Variants in YBX3 observed in about 807,000 individuals in gnomAD.
YBX3 encodes the protein Y-box-binding protein 3.
In YBX3, 29 loss-of-function variants were observed where a neutral mutation model predicts 42.4. The observed-to-expected ratio is 0.68, with a 90% confidence interval of 0.51 to 0.93. The LOEUF is 0.93. Among genes scored for constraint, YBX3 ranks in the 40% least tolerant of loss-of-function variants. YBX3 has a pLI of 0.00. For missense variants in YBX3, 517 were observed against 527.5 expected (o/e 0.98, Z 0.19); for synonymous variants, 195 against 189.8 (o/e 1.03, Z -0.22).
At chr12:10,710,173 A>G in intron 5 of YBX3, 59 bp from the exon 6 acceptor site, 1 of 1,573,588 alleles carries the variant, frequency 6.4e-7, no homozygotes, top group Non-Finnish European at 8.6e-7. Context: ...GAACCAAAGA[A>G]CACCATTTAG....
chr12:10,719,057 T>C (rs1256488938), intron 2 of YBX3, 23 bp downstream of exon 2: 8 of 1,604,648 alleles, frequency 5.0e-6, no homozygotes, highest in Non-Finnish European at 6.8e-6. Flanking sequence ...ACTTAAAACA[T>C]GCAAATATAC....
chr12:10,719,769 T>C (rs1948304508), intron 1 of YBX3, among the ~76,000 whole-genome samples: 1 of 152,208 alleles, frequency 6.6e-6, no homozygotes, highest in Admixed American at 6.5e-5. Flanking sequence ...AATTTGGGCT[T>C]GTTTCTTTGT....
intron 6 of YBX3, among the ~76,000 whole-genome samples, chr12:10,704,732 C>G (rs970204543): frequency 2.0e-5 from 3 of 152,340 alleles, no homozygotes; most frequent in Non-Finnish European, 2.9e-5. Context: ...ATCTACCCAG[C>G]TCCCTGTATT....
At chr12:10,701,006 T>C (rs1395922120) in intron 9 of YBX3, among the ~76,000 whole-genome samples, 1 of 152,176 alleles carries the variant, frequency 6.6e-6, no homozygotes, top group Non-Finnish European at 1.5e-5. Flanking sequence ...ACTGCCTGTC[T>C]AGAAAAAAGA....
rs139903785 is a variant in YBX3, at chr12:10,702,119, G to C, written c.894C>G (p.Arg298=). ...CTCCAACTGCTGGGGCAGGTCGTGG[G>C]CGAGGAGGTCCCCTGCTGTAGGGAA... ...RPRYRSRGPP[R]PRPAPAVGEA... Residue 298 remains arginine, a synonymous_variant, in exon 8 of 10, where the codon CGC becomes CGG. Transcript: ENST00000228251. The C allele has an allele frequency of 1.9e-6, 3 of 1,614,040 alleles. 1 individual carries two copies. The highest frequency in any genetic ancestry group is 3.3e-5 in the Admixed American group (2 of 59,988).
chr12:10,722,306 C>T (rs1368045860), intron 1 of YBX3: 1 of 152,250 alleles, frequency 6.6e-6, no homozygotes, highest in Non-Finnish European at 1.5e-5. Flanking sequence ...GGAAGGGCGT[C>T]AGGGACAGAC....
intron 1 of YBX3, 99 bp from the exon 2 acceptor site, chr12:10,719,242 C>T (rs2120985362): frequency 1.1e-6 from 1 of 943,600 alleles, no homozygotes; most frequent in South Asian, 1.8e-5. Flanking sequence ...CCTAAACATA[C>T]CTAAAGAAAC....
At chr12:10,715,872 A>G (rs1948256398) in intron 3 of YBX3, 89 bp from the exon 4 acceptor site, 3 of 1,106,786 alleles carry the variant, frequency 2.7e-6, no homozygotes, top group Non-Finnish European at 4.1e-6. Context: ...AGTGAACTTG[A>G]AGAAACTGTT....
intron 3 of YBX3, chr12:10,716,108 C>G (rs1948259269): frequency 4.4e-6 from 1 of 225,106 alleles, no homozygotes; most frequent in Non-Finnish European, 8.7e-6. Flanking sequence ...TTAATTACCT[C>G]AAACCATTAA....
At chr12:10,714,349 G>A (rs1313524481) in intron 4 of YBX3, among the ~76,000 whole-genome samples, 1 of 152,162 alleles carries the variant, frequency 6.6e-6, no homozygotes, top group Non-Finnish European at 1.5e-5. Flanking sequence ...GCCATGATTA[G>A]CTGCCATGGC....
At chr12:10,705,644 A>G (rs1030228959) in intron 6 of YBX3, among the ~76,000 whole-genome samples, 1 of 152,224 alleles carries the variant, frequency 6.6e-6, no homozygotes, top group Non-Finnish European at 1.5e-5. Flanking sequence ...CTCCACTGTA[A>G]GTTGACTCTT....
At position 10,702,060 on chromosome 12, in the gene YBX3, C is replaced by A; in HGVS notation, c.953G>T (p.Ser318Ile). The A allele has an allele frequency of 6.2e-7, 1 of 1,614,214 alleles. No homozygotes were observed. Among genetic ancestry groups the A allele is most frequent in the African/African-American group, 1.3e-5 (1 of 75,052 alleles). Residue 318 changes from serine to isoleucine, a missense_variant, in exon 8 of 10, where the codon AGT (serine) becomes ATT (isoleucine). Physicochemically the swap from Ser to Ile is moderately radical, Grantham distance 142. Transcript: ENST00000228251. ...GCGAACAGACGGCTGGTTTGGACCA[C>A]TGGTGGCTTGCTGATTTTCTTTATC... ...AEDKENQQATSGPNQPSVRRG... is the reference protein window; with the variant it reads ...AEDKENQQATIGPNQPSVRRG...
At chr12:10,705,119 G>C (rs1449241163) in intron 6 of YBX3, among the ~76,000 whole-genome samples, 1 of 152,002 alleles carries the variant, frequency 6.6e-6, no homozygotes, top group Non-Finnish European at 1.5e-5. Context: ...ATTTGAGATG[G>C]AGTCTCACTC....
At chr12:10,711,414 C>T (rs1185012959) in intron 5 of YBX3, 1 of 152,114 alleles carries the variant, frequency 6.6e-6, no homozygotes, top group Non-Finnish European at 1.5e-5. Context: ...CCAAAAAAGC[C>T]TCAACTAGTC....
chr12:10,704,384 T>C (rs1202747493), intron 6 of YBX3: 1 of 372,964 alleles, frequency 2.7e-6, no homozygotes, highest in Non-Finnish European at 4.8e-6. Context: ...AGCACCTAAC[T>C]TTATTTTCGC....
In YBX3 at chr12:10,713,337, A is replaced by G. The variant is rs1195117666; in HGVS notation, c.451-4T>C. 6.2e-7 allele frequency: 1 copy of G among 1,609,566 alleles called. No individual in the cohort carries two copies. Among genetic ancestry groups the G allele is most frequent in the Non-Finnish European group, 8.5e-7 (1 of 1,179,048 alleles). On this transcript the variant is annotated splice_polypyrimidine_tract_variant and splice_region_variant and intron_variant, in intron 4 of 9. Coordinates refer to ENST00000228251, the MANE Select transcript of YBX3 (RefSeq NM_003651.5). Reference sequence around the variant, plus strand: ...TCACATTGGCAGCTTCTGCACCCTGAGAAGAAAATAAAAAGATGGCCTCAA... The same window carrying G: ...TCACATTGGCAGCTTCTGCACCCTGGGAAGAAAATAAAAAGATGGCCTCAA...
chr12:10,722,434 G>A (rs1948338030), intron 1 of YBX3: 1 of 154,902 alleles, frequency 6.5e-6, no homozygotes, highest in Non-Finnish European at 1.4e-5. Flanking sequence ...GGACCCCAAA[G>A]CGCCAGGCCC....
intron 6 of YBX3, among the ~76,000 whole-genome samples, chr12:10,709,184 C>T (rs890408369): frequency 1.3e-5 from 2 of 151,996 alleles, no homozygotes; most frequent in African/African-American, 4.8e-5. Context: ...AAAAAGAAAC[C>T]CCAACGACAC....
chr12:10,703,691 G>A lies in YBX3; in HGVS notation c.878+360C>T, dbSNP rs935004852. The A allele has an allele frequency of 1.3e-5, 4 of 318,874 alleles. No individual in the cohort carries two copies. In the East Asian group the frequency reaches 3.5e-4, roughly 28 times the overall value. The allele number at this position is 318,874 out of a possible 1,614,324, so 19.8% of individuals were successfully genotyped here. ...TTAACCCCTCTACTGGACTGCCTCA[G>A]TGATTAACAGTCACTATCCCAAATA... On this transcript the variant is annotated intron_variant, in intron 7 of 9. Transcript: ENST00000228251.
Sources: allele counts gnomAD v4.1 joint callset (sites outside exome capture counted in the v4.1 genomes callset), GRCh38; gene constraint gnomAD v4.1.1; transcripts MANE v1.5; gene names NCBI Gene and HGNC (gene_info 2026-07-23, HGNC 2026-07-21).